Variants in IPO13 observed in about 807,000 individuals in gnomAD.
IPO13 encodes importin 13, also known as importin-13.
A neutral mutation model predicts 115.5 loss-of-function variants in IPO13; 28 were observed. The observed-to-expected ratio is 0.24, with a 90% CI of 0.18 to 0.33. The LOEUF is 0.33. IPO13 is among the 10% of genes least tolerant of loss of function. The probability of loss-of-function intolerance (pLI) is 1.00; values close to 1 mark genes in which losing one functional copy is unlikely to be tolerated. For missense variants in IPO13, 785 were observed against 1,204.6 expected, an observed-to-expected ratio of 0.65 and a Z score of 5.16; for synonymous variants, 414 against 478.9, an observed-to-expected ratio of 0.86 and a Z score of 1.77.
At chr1:43,957,803 C>T (rs1442476186) in intron 7 of IPO13, among the ~76,000 whole-genome samples, 174 bp from the exon 8 acceptor site, 2 of 152,226 alleles carry the variant, frequency 1.3e-5, no homozygotes, top group Non-Finnish European at 2.9e-5. Flanking sequence ...CTTCCTGCTT[C>T]TCAGCTGTAA....
intron 2 of IPO13, 109 bp downstream of exon 2, chr1:43,950,262 A>T: frequency 7.8e-7 from 1 of 1,287,584 alleles, no homozygotes. Flanking sequence ...ACCTGGTCCT[A>T]TGCTGGAGAT....
At position 43,947,118 on chromosome 1, in the gene IPO13, G is replaced by T; in HGVS notation, c.-483G>T. On this transcript the variant is annotated 5_prime_UTR_variant, in exon 1 of 20. Transcript: ENST00000372343. ...GCTGCATCTCCGCGCTTCGTTGGAC[G>T]CCTCCGTAACCACGAAGGGCTCTCT... 1 of 398,898 alleles carries T rather than the reference G, an allele frequency of 2.5e-6. No homozygotes were observed. The highest frequency in any genetic ancestry group is 4.4e-6 in the Non-Finnish European group (1 of 226,294). The allele number at this position is 398,898 out of a possible 1,614,324, so 24.7% of individuals were successfully genotyped here.
Position 43,966,681 on chromosome 1 carries a change from C to T in IPO13, c.2464+40C>T. 6.2e-7 allele frequency: 1 copy of T among 1,614,106 alleles called. No homozygotes were observed. The highest frequency in any genetic ancestry group is 8.5e-7 in the Non-Finnish European group (1 of 1,179,956). On this transcript the variant is annotated intron_variant, in intron 16 of 19. Coordinates refer to ENST00000372343, the MANE Select transcript of IPO13 (RefSeq NM_014652.4). This position sits in a 1 kb window ranked among gnomAD's most constrained non-coding sequence, Gnocchi z 4.1. ...ATGGACAGGTGGGCCTGGGGCTCCC[C>T]TAGAAGGATCGTTAAACTGATCTGC... is the stretch of plus-strand genomic sequence containing the variant.
chr1:43,956,243 A>G lies in IPO13; in HGVS notation c.822-77A>G. The G allele has an allele frequency of 2.0e-6, 3 of 1,514,058 alleles. No homozygotes were observed. The highest frequency in any genetic ancestry group is 2.7e-6 in the Non-Finnish European group (3 of 1,103,646). The allele number at this position is 1,514,058 out of a possible 1,614,324, so 93.8% of individuals were successfully genotyped here. On this transcript the variant is annotated intron_variant, in intron 2 of 19. Transcript: ENST00000372343. This position sits in a 1 kb window ranked among gnomAD's most constrained non-coding sequence, Gnocchi z 4.7. ...AGGGGAGCTTTGATGGAAGACAAGGAGATTATGCCTTTCTCTTAAAGCCAG... is the reference window on the plus strand; with the variant it reads ...AGGGGAGCTTTGATGGAAGACAAGGGGATTATGCCTTTCTCTTAAAGCCAG...
At position 43,956,821 on chromosome 1, in the gene IPO13, A is replaced by G. The variant is rs778156102; in HGVS notation, c.1116A>G (p.Leu372=). The G allele has an allele frequency of 6.2e-7, 1 of 1,614,178 alleles. No individual in the cohort carries two copies. Among genetic ancestry groups the G allele is most frequent in the Non-Finnish European group, 8.5e-7 (1 of 1,180,038 alleles). The change falls in exon 5 of 20, where the codon CTA becomes CTG. Residue 372 remains leucine (L), a synonymous_variant. Transcript: ENST00000372343. The surrounding 1 kb of genome is among the most constrained non-coding windows in gnomAD (Gnocchi z 4.7). ...CCTGGCTCTCTCAGGATGATATTCTATCCTTTGAGGCAGAGAAGCAGGCTG... is the reference window on the plus strand; with the variant it reads ...CCTGGCTCTCTCAGGATGATATTCTGTCCTTTGAGGCAGAGAAGCAGGCTG... The part of the protein sequence containing the change: ...TFWYTLQDDI[L]SFEAEKQAVY...
In IPO13 at chr1:43,966,053, A is replaced by C; in HGVS notation, c.2398-522A>C. On this transcript the variant is annotated intron_variant, in intron 15 of 19. Transcript: ENST00000372343. The surrounding 1 kb of genome is among the most constrained non-coding windows in gnomAD (Gnocchi z 4.1). ...GGTGAAAGATGGGGCTGAGGCTCCAAGGCTCCTGCTGTACTTTTCTTCTTT... is the reference window on the plus strand; with the variant it reads ...GGTGAAAGATGGGGCTGAGGCTCCACGGCTCCTGCTGTACTTTTCTTCTTT... 2 of 187,348 alleles carry C rather than the reference A, an allele frequency of 1.1e-5. No homozygotes were observed. The highest frequency in any genetic ancestry group is 5.3e-5 in the Admixed American group (1 of 18,766). 11.6% of individuals were successfully genotyped at this position (187,348 alleles called of 1,614,324 possible). A position where few individuals can be genotyped will look rare whatever the true frequency, so the allele number is the denominator to read the frequency against.
chr1:43,966,506 G>A lies in IPO13; in HGVS notation c.2398-69G>A, dbSNP rs1557636102. ...GAGGTGTGAAGTTGGGGGCTGGGGTGGCAGGTGAGTGGGGGGGATGGTCCT... is the reference window on the plus strand; with the variant it reads ...GAGGTGTGAAGTTGGGGGCTGGGGTAGCAGGTGAGTGGGGGGGATGGTCCT... On this transcript the variant is annotated intron_variant, in intron 15 of 19. Transcript: ENST00000372343. The surrounding 1 kb of genome is among the most constrained non-coding windows in gnomAD (Gnocchi z 4.1). The A allele has an allele frequency of 6.7e-7, 1 of 1,502,464 alleles. No individual in the cohort carries two copies. The highest frequency in any genetic ancestry group is 9.3e-7 in the Non-Finnish European group (1 of 1,080,170). The allele number at this position is 1,502,464 out of a possible 1,614,324, so 93.1% of individuals were successfully genotyped here. A position where few individuals can be genotyped will look rare whatever the true frequency, so the allele number is the denominator to read the frequency against.
At position 43,958,693 on chromosome 1, in the gene IPO13, G is replaced by T; in HGVS notation, c.1885-53G>T. On this transcript the variant is annotated intron_variant, in intron 10 of 19. Coordinates refer to ENST00000372343, the MANE Select transcript of IPO13 (RefSeq NM_014652.4). This position sits in a 1 kb window ranked among gnomAD's most constrained non-coding sequence, Gnocchi z 6.3. ...CCTCAGAGCTGAGGCTCAGTGATCTGGGGACCAAACTGGGGCTGGGAGATC... is the reference window on the plus strand; with the variant it reads ...CCTCAGAGCTGAGGCTCAGTGATCTTGGGACCAAACTGGGGCTGGGAGATC... 1 of 1,613,006 alleles carries T rather than the reference G, an allele frequency of 6.2e-7. No individual in the cohort carries two copies. Among genetic ancestry groups the T allele is most frequent in the Non-Finnish European group, 8.5e-7 (1 of 1,179,194 alleles).
rs983618759 is a variant in IPO13 at position 43,955,700 on chromosome 1, C to T, written c.822-620C>T. 9.8e-5 allele frequency among the ~76,000 whole-genome samples: 15 copies of T among 152,298 alleles called. 1 individual carries two copies. The highest frequency in any genetic ancestry group is 6.8e-3 in the Middle Eastern group (2 of 294). On this transcript the variant is annotated intron_variant, in intron 2 of 19. Transcript: ENST00000372343. ...TCCTACTCCAGTATAACCTCATCTG[C>T]AATTATCTTATTTCCAAATAAGATC...
At position 43,958,103 on chromosome 1, in the gene IPO13, G is replaced by A; in HGVS notation, c.1667G>A (p.Arg556Gln). ...GTGTCCACCCTCAAGAAGATCTGCCGAGAGTGCAAGTATGACCTGCCTCCC... is the reference window on the plus strand; with the variant it reads ...GTGTCCACCCTCAAGAAGATCTGCCAAGAGTGCAAGTATGACCTGCCTCCC... ...SSVSTLKKIC[R>Q]ECKYDLPPYA... Residue 556 changes from arginine (R) to glutamine (Q), a missense_variant, in exon 8 of 20, where the codon CGA becomes CAA. Physicochemically the swap from Arg to Gln is conservative, Grantham distance 43. Transcript: ENST00000372343. This position sits in a 1 kb window ranked among gnomAD's most constrained non-coding sequence, Gnocchi z 6.3. 1.9e-6 allele frequency: 3 copies of A among 1,614,148 alleles called. No homozygotes were observed. Among genetic ancestry groups the A allele is most frequent in the Non-Finnish European group, 2.5e-6 (3 of 1,180,028 alleles).
chr1:43,947,639 TG>T lies in IPO13; in HGVS notation c.41del (p.Gly14GlufsTer36). 1 of 1,334,044 alleles carries T rather than the reference TG, an allele frequency of 7.5e-7. No individual in the cohort carries two copies. Among genetic ancestry groups the T allele is most frequent in the South Asian group, 2.1e-5 (1 of 47,572 alleles). The allele number at this position is 1,334,044 out of a possible 1,614,324, so 82.6% of individuals were successfully genotyped here. ...REEQPGAAGA[G>X]AAPALDFTVE... ...AGGAGCAGCCGGGGGCTGCAGGGGCTGGAGCAGCACCAGCCTTGGACTTCAC... is the reference window on the plus strand; with the variant it reads ...AGGAGCAGCCGGGGGCTGCAGGGGCTGAGCAGCACCAGCCTTGGACTTCAC... On this transcript the variant is annotated frameshift_variant, in exon 1 of 20. Transcript: ENST00000372343. LOFTEE classifies it high-confidence loss of function.
intron 14 of IPO13, among the ~76,000 whole-genome samples, chr1:43,963,149 A>G (rs956238311): frequency 3.9e-5 from 6 of 152,256 alleles, no homozygotes; most frequent in African/African-American, 1.4e-4. Context: ...GGCAGAGATT[A>G]TCTGCTTTAC....
In IPO13 at chr1:43,961,248, C is replaced by T; in HGVS notation, c.2330C>T (p.Thr777Ile). 1 of 1,613,546 alleles carries T rather than the reference C, an allele frequency of 6.2e-7. No individual in the cohort carries two copies. The highest frequency in any genetic ancestry group is 8.5e-7 in the Non-Finnish European group (1 of 1,179,426). Residue 777 changes from threonine (T) to isoleucine (I), a missense_variant, in exon 14 of 20, where the codon ACT (threonine) becomes ATT (isoleucine). Physicochemically the swap from Thr to Ile is moderately conservative, Grantham distance 89 (BLOSUM62 -1). Coordinates refer to ENST00000372343, the MANE Select transcript of IPO13 (RefSeq NM_014652.4). ...CTGCTCGTCACCTCCGTCACACTCA[C>T]TCTCTTCCAGCAAGGTAGGTCCTGA... ...LFLLVTSVTL[T>I]LFQQGPRDHP... is the part of the protein sequence containing the mutation.
chr1:43,966,140 G>A lies in IPO13; in HGVS notation c.2398-435G>A, dbSNP rs986256326. ...AGGGACATGGGAGGAGGGCTGTTGG[G>A]CTGAGGGCTCCCTGTCTGGCTGCCA... On this transcript the variant is annotated intron_variant, in intron 15 of 19. Transcript: ENST00000372343. This position sits in a 1 kb window ranked among gnomAD's most constrained non-coding sequence, Gnocchi z 4.1. The A allele has an allele frequency of 7.5e-6, 2 of 264,952 alleles. No homozygotes were observed. Among genetic ancestry groups the A allele is most frequent in the East Asian group, 1.9e-4 (2 of 10,778 alleles). 16.4% of individuals were successfully genotyped at this position (264,952 alleles called of 1,614,324 possible). A position where few individuals can be genotyped will look rare whatever the true frequency, so the allele number is the denominator to read the frequency against.
intron 7 of IPO13, 29 bp from the exon 8 acceptor site, chr1:43,957,948 A>G: frequency 6.2e-7 from 1 of 1,611,162 alleles, no homozygotes. Flanking sequence ...CCTGCCTCAA[A>G]GATCCTCCTG....
At chr1:43,955,263 C>CT (rs545350043) in intron 2 of IPO13, among the ~76,000 whole-genome samples, 6,490 of 143,702 alleles carry the variant, frequency 0.045, 484 homozygotes, top group African/African-American at 0.15. Flanking sequence ...CTTCCAAAGT[C>CT]TTTTTTTTTT....
At chr1:43,949,258 C>T (rs746741612) in intron 1 of IPO13, 159 bp from the exon 2 acceptor site, 1 of 685,408 alleles carries the variant, frequency 1.5e-6, no homozygotes, top group Non-Finnish European at 2.4e-6. Context: ...ATCAGCAGGA[C>T]CCCAGGCCCA....
Position 43,966,351 on chromosome 1 carries a change from C to T in IPO13, c.2398-224C>T, listed in dbSNP as rs897849379. 1 of 600,040 alleles carries T rather than the reference C, an allele frequency of 1.7e-6. No homozygotes were observed. Among genetic ancestry groups the T allele is most frequent in the Admixed American group, 2.8e-5 (1 of 35,280 alleles). The allele number at this position is 600,040 out of a possible 1,614,324, so 37.2% of individuals were successfully genotyped here. The stretch of plus-strand genomic sequence containing the variant: ...CCACCCCCAACCTCTCTCACGTACA[C>T]CTGCGTGTTCATGTACACATACATG... On this transcript the variant is annotated intron_variant, in intron 15 of 19. Coordinates refer to ENST00000372343, the MANE Select transcript of IPO13 (RefSeq NM_014652.4). This position sits in a 1 kb window ranked among gnomAD's most constrained non-coding sequence, Gnocchi z 4.1.
rs1042211531 is a variant in IPO13, at chr1:43,952,826, G to T, written c.821+2673G>T. 6.6e-6 allele frequency among the ~76,000 whole-genome samples: 1 copy of T among 152,186 alleles called. No individual in the cohort carries two copies. Among genetic ancestry groups the T allele is most frequent in the Non-Finnish European group, 1.5e-5 (1 of 68,034 alleles). ...ATGGTTCCTATATACTCTGTAAACG[G>T]CAGTTGCCAGTATTTGGTTTCATTA... On this transcript the variant is annotated intron_variant, in intron 2 of 19. Coordinates refer to ENST00000372343, the MANE Select transcript of IPO13 (RefSeq NM_014652.4). This position sits in a 1 kb window ranked among gnomAD's most constrained non-coding sequence, Gnocchi z 4.7.
Sources: allele counts gnomAD v4.1 joint callset (sites outside exome capture counted in the v4.1 genomes callset), GRCh38; gene constraint gnomAD v4.1.1; non-coding constraint Gnocchi (gnomAD v3.1); transcripts MANE v1.5; gene names NCBI Gene and HGNC (gene_info 2026-07-23, HGNC 2026-07-21).